SMIM23: variants seen among roughly 807,000 people sequenced by gnomAD.
SMIM23 encodes the protein CTB-78H18.1.
SMIM23 carries 10 observed loss-of-function variants against 12.8 expected under a neutral mutation model. The ratio of observed to expected loss-of-function variants is 0.78; its 90% CI spans 0.48 to 1.32. SMIM23 has a LOEUF of 1.32. Ranked by LOEUF, SMIM23 falls within the 40% of genes most tolerant of loss-of-function variation. The pLI is 0.00. For synonymous variants in SMIM23, 78 were observed against 80.1 expected (o/e 0.97, Z 0.14); for missense variants, 184 against 198.2 (o/e 0.93, Z 0.43).
At chr5:171,781,542 C>A (rs1212219334), upstream of SMIM23, among the ~76,000 whole-genome samples, 6 of 149,892 alleles carry the variant, frequency 4.0e-5, no homozygotes, top group South Asian at 2.1e-4. Context: ...GAAGTGCCCC[C>A]CCCCGTCTCT....
At chr5:171,790,174 A>G in intron 1 of SMIM23, 56 bp from the exon 2 acceptor site, 7 of 1,495,776 alleles carry the variant, frequency 4.7e-6, no homozygotes, top group Non-Finnish European at 5.4e-6. Flanking sequence ...AAGCAGGGGG[A>G]CCTGGAGAGA....
intron 1 of SMIM23, among the ~76,000 whole-genome samples, chr5:171,787,004 C>CTTTTTTTTTTTT (rs202159150): frequency 2.8e-5 from 2 of 71,256 alleles, no homozygotes; most frequent in African/African-American, 9.8e-5. Flanking sequence ...CCATTGTTTC[C>CTTTTTTTTTTTT]TTTTTTTTTT....
upstream of SMIM23, among the ~76,000 whole-genome samples, chr5:171,782,144 A>G (rs1324931113): frequency 6.6e-6 from 1 of 152,242 alleles, no homozygotes; most frequent in East Asian, 1.9e-4. Flanking sequence ...CAAGAGCTGT[A>G]ACACTCACCG....
intron 1 of SMIM23, among the ~76,000 whole-genome samples, chr5:171,787,501 A>T (rs924681237): frequency 2.6e-5 from 4 of 152,224 alleles, no homozygotes; most frequent in African/African-American, 9.6e-5. Context: ...AATGCCGGGG[A>T]AGAAATCAAC....
upstream of SMIM23, among the ~76,000 whole-genome samples, chr5:171,778,828 T>C (rs764370248): frequency 6.6e-6 from 1 of 152,256 alleles, no homozygotes; most frequent in Admixed American, 6.5e-5. Context: ...ACGCAGGGTA[T>C]ACATTTACCC....
upstream of SMIM23, chr5:171,782,475 C>T (rs1279111027): frequency 1.3e-5 from 2 of 152,192 alleles, no homozygotes; most frequent in Admixed American, 1.3e-4. Flanking sequence ...CCGGCCTTGC[C>T]GGGCAGTTAG....
intron 1 of SMIM23, among the ~76,000 whole-genome samples, chr5:171,786,931 C>A (rs941414688): frequency 6.6e-6 from 1 of 150,584 alleles, no homozygotes; most frequent in Non-Finnish European, 1.5e-5. Flanking sequence ...AGAAGTCCTG[C>A]AACAAAGAAG....
At position 171,787,004 on chromosome 5, in the gene SMIM23, C is replaced by CTTTT. The variant is rs202159150; in HGVS notation, c.105+1057_105+1060dup. 4.3e-4 allele frequency among the ~76,000 whole-genome samples: 31 copies of CTTTT among 71,280 alleles called. 2 individuals are homozygous for CTTTT. The highest frequency in any genetic ancestry group is 1.2e-3 in the African/African-American group (25 of 20,356). 46.8% of individuals were successfully genotyped at this position (71,280 alleles called of 152,430 possible). ...GATTCTACCAGAGTCCCATTGTTTC[C>CTTTT]TTTTTTTTTTTTTTTTTTTTTTTTT... On this transcript the variant is annotated intron_variant, in intron 1 of 3. Transcript: ENST00000523047.
chr5:171,772,906 A>T, the SMIM23 span, among the ~76,000 whole-genome samples: 2 of 152,224 alleles, frequency 1.3e-5, no homozygotes, highest in Non-Finnish European at 2.9e-5. Context: ...TTGGAAAAGT[A>T]TCTATTTCAC....
At chr5:171,785,744 G>A (rs1025513218), upstream of SMIM23, 15 of 699,924 alleles carry the variant, frequency 2.1e-5, no homozygotes, top group Non-Finnish European at 3.4e-5. Context: ...TGGGAACCTT[G>A]CTGTCCCTAC....
chr5:171,790,750 C>A, intron 3 of SMIM23, 45 bp from the exon 4 acceptor site: 2 of 1,532,446 alleles, frequency 1.3e-6, no homozygotes, highest in Admixed American at 2.0e-5. Flanking sequence ...GAGGAGGGTC[C>A]TATCTGAGAA....
chr5:171,785,791 C>T, upstream of SMIM23: 1 of 1,132,272 alleles, frequency 8.8e-7, no homozygotes. Context: ...TGCAGGATGC[C>T]TGGTGACCAC....
chr5:171,784,977 T>C (rs1755788395), upstream of SMIM23, among the ~76,000 whole-genome samples: 1 of 152,156 alleles, frequency 6.6e-6, no homozygotes, highest in Admixed American at 6.5e-5. Flanking sequence ...GCATTTGGAA[T>C]AAACAAATTT....
upstream of SMIM23, among the ~76,000 whole-genome samples, chr5:171,781,909 C>T (rs1005944300): frequency 4.6e-5 from 7 of 152,308 alleles, no homozygotes; most frequent in East Asian, 1.3e-3. Flanking sequence ...AAAAAATGCA[C>T]AGTCAGTGCT....
At chr5:171,789,546 CTGAT>C (rs1393460885) in intron 1 of SMIM23, among the ~76,000 whole-genome samples, 1 of 152,156 alleles carries the variant, frequency 6.6e-6, no homozygotes, top group African/African-American at 2.4e-5. Flanking sequence ...GGTAAAGAGA[CTGAT>C]TGTGCAATAT....
chr5:171,780,359 T>C (rs532813976), upstream of SMIM23, among the ~76,000 whole-genome samples: 251 of 152,218 alleles, frequency 1.6e-3, 3 homozygotes, highest in South Asian at 0.015. Context: ...CTAGACCCTC[T>C]GCCAGTCCCC....
At position 171,790,820 on chromosome 5, in the gene SMIM23, C is replaced by A; in HGVS notation, c.251C>A (p.Pro84His). The change falls in exon 4 of 4, where the codon CCC (proline) becomes CAC (histidine). Residue 84 changes from proline (P) to histidine (H), a missense_variant. Transcript: ENST00000523047. ...PQGLEYQTNEPSEEPIKTIRN... is the reference protein window; with the variant it reads ...PQGLEYQTNEHSEEPIKTIRN... ...GGGCTTGAATATCAGACCAACGAGCCCTCAGAAGAACCGATAAAGACCATC... is the reference window on the plus strand; with the variant it reads ...GGGCTTGAATATCAGACCAACGAGCACTCAGAAGAACCGATAAAGACCATC... 1 of 1,536,070 alleles carries A rather than the reference C, an allele frequency of 6.5e-7. No homozygotes were observed. The highest frequency in any genetic ancestry group is 1.2e-5 in the South Asian group (1 of 84,050).
At chr5:171,777,687 G>A (rs1385945846), upstream of SMIM23, among the ~76,000 whole-genome samples, 1 of 152,204 alleles carries the variant, frequency 6.6e-6, no homozygotes, top group African/African-American at 2.4e-5. Flanking sequence ...TGCCCTCCTG[G>A]GGCCGAGAGC....
At chr5:171,786,012 A>T (rs1755810620) in intron 1 of SMIM23, 36 bp downstream of exon 1, 1 of 1,498,590 alleles carries the variant, frequency 6.7e-7, no homozygotes, top group Non-Finnish European at 9.0e-7. Flanking sequence ...CTTTCCTCCC[A>T]TCTGGGCTCC....
Sources: gnomAD v4.1 joint callset for allele counts (sites outside exome capture counted in the v4.1 genomes callset) on GRCh38, gnomAD v4.1.1 for gene constraint, MANE v1.5 for transcripts, NCBI Gene and HGNC (gene_info 2026-07-23, HGNC 2026-07-21) for gene names.